Variants in FAT4 observed in about 807,000 individuals in gnomAD.
The protein encoded by FAT4 is FAT atypical cadherin 4.
FAT4 carries 84 observed loss-of-function variants against 303.9 expected under a neutral mutation model. The observed-to-expected ratio is 0.28, with a 90% CI of 0.23 to 0.33. FAT4 has a LOEUF of 0.33. Ranked by LOEUF, FAT4 falls within the 10% of genes least tolerant of loss-of-function variation. The pLI is 1.00. For synonymous variants in FAT4, 2,307 were observed against 2,298.8 expected, an observed-to-expected ratio of 1.00 and a Z score of -0.10; for missense variants, 6,005 against 6,146.8, an observed-to-expected ratio of 0.98 and a Z score of 0.77.
intron 12 of FAT4, among the ~76,000 whole-genome samples, chr4:125,469,358 A>G (rs1726782396): frequency 6.6e-6 from 1 of 152,178 alleles, no homozygotes; most frequent in East Asian, 1.9e-4. Context: ...GAAATGTCTT[A>G]AAATAAAACA....
intron 10 of FAT4, among the ~76,000 whole-genome samples, chr4:125,455,900 A>C (rs1726261912): frequency 6.6e-6 from 1 of 152,198 alleles, no homozygotes; most frequent in Admixed American, 6.5e-5. Context: ...CAGCTTACAA[A>C]ATCTTCAAAC....
At position 125,318,217 on chromosome 4, in the gene FAT4, G is replaced by A. The variant is rs1227224047; in HGVS notation, c.1806G>A (p.Leu602=). 6.2e-7 allele frequency: 1 copy of A among 1,614,240 alleles called. No homozygotes were observed. The highest frequency in any genetic ancestry group is 8.5e-7 in the Non-Finnish European group (1 of 1,180,036). ...VVENAPTGTE[L]LMLRATDGDL... ...AGAATGCCCCAACAGGGACAGAACT[G>A]TTGATGCTCAGGGCAACTGACGGGG... The change falls in exon 2 of 18, where the codon CTG becomes CTA. Residue 602 remains leucine, a synonymous_variant. Coordinates refer to ENST00000394329, the MANE Select transcript of FAT4 (RefSeq NM_001291303.3).
intron 2 of FAT4, among the ~76,000 whole-genome samples, chr4:125,379,686 G>A (rs955296680): frequency 3.3e-5 from 5 of 151,768 alleles, no homozygotes; most frequent in Admixed American, 6.6e-5. Context: ...TATTGAACTC[G>A]TGACCTCAGG....
intron 5 of FAT4, among the ~76,000 whole-genome samples, chr4:125,413,358 A>T (rs1211427131): frequency 6.6e-6 from 1 of 151,888 alleles, no homozygotes; most frequent in Non-Finnish European, 1.5e-5. Context: ...ACTCCTAAGT[A>T]TTCTGAACTT....
chr4:125,395,562 C>T (rs1734138583), intron 2 of FAT4, among the ~76,000 whole-genome samples: 1 of 152,020 alleles, frequency 6.6e-6, no homozygotes, highest in Non-Finnish European at 1.5e-5. Flanking sequence ...CAGGTGATTC[C>T]CCTGCCTAGG....
At chr4:125,357,950 T>A (rs1332534423) in intron 2 of FAT4, among the ~76,000 whole-genome samples, 1 of 152,158 alleles carries the variant, frequency 6.6e-6, no homozygotes, top group Non-Finnish European at 1.5e-5. Flanking sequence ...GCTGTAAGAT[T>A]GTTTCCTTTT....
At chr4:125,361,107 A>C (rs1365076361) in intron 2 of FAT4, among the ~76,000 whole-genome samples, 1 of 151,846 alleles carries the variant, frequency 6.6e-6, no homozygotes, top group Non-Finnish European at 1.5e-5. Context: ...GCTAAATATT[A>C]CATTTTTCCC....
intron 2 of FAT4, among the ~76,000 whole-genome samples, chr4:125,346,177 C>T (rs977985254): frequency 1.3e-5 from 2 of 151,972 alleles, no homozygotes; most frequent in South Asian, 2.1e-4. Flanking sequence ...TGTATTGAAG[C>T]TTGTACACAA....
At chr4:125,472,725 T>C (rs1251888601) in intron 12 of FAT4, among the ~76,000 whole-genome samples, 2 of 152,148 alleles carry the variant, frequency 1.3e-5, no homozygotes, top group Admixed American at 6.5e-5. Context: ...AGTTTTAAAA[T>C]ACAGAACTAT....
chr4:125,480,170 G>GC (rs1727176625), intron 15 of FAT4, among the ~76,000 whole-genome samples: 1 of 151,766 alleles, frequency 6.6e-6, no homozygotes. Flanking sequence ...AAGATCAAAG[G>GC]TTATAGTTAG....
At chr4:125,446,238 G>T in intron 8 of FAT4, 55 bp from the exon 9 acceptor site, 3 of 1,430,356 alleles carry the variant, frequency 2.1e-6, no homozygotes, top group South Asian at 1.4e-5. Flanking sequence ...ATAGTAAATA[G>T]AAGTTACGAT....
intron 7 of FAT4, among the ~76,000 whole-genome samples, chr4:125,422,717 A>G (rs1042942624): frequency 2.0e-5 from 3 of 152,156 alleles, no homozygotes; most frequent in Non-Finnish European, 1.5e-5. Context: ...TACTGATATC[A>G]GAGAGAGTAG....
At chr4:125,392,024 A>G (rs1341047908) in intron 2 of FAT4, among the ~76,000 whole-genome samples, 3 of 152,196 alleles carry the variant, frequency 2.0e-5, no homozygotes, top group African/African-American at 7.2e-5. Context: ...ATCTCAGAAT[A>G]TAGAAGTCTC....
At chr4:125,348,506 G>A (rs568693926) in intron 2 of FAT4, among the ~76,000 whole-genome samples, 1 of 151,724 alleles carries the variant, frequency 6.6e-6, no homozygotes, top group Admixed American at 6.6e-5. Context: ...GCTATATTGA[G>A]GAAGTGAACC....
At chr4:125,463,388 A>G (rs1726547811) in intron 10 of FAT4, among the ~76,000 whole-genome samples, 175 bp from the exon 11 acceptor site, 1 of 152,054 alleles carries the variant, frequency 6.6e-6, no homozygotes, top group Non-Finnish European at 1.5e-5. Context: ...GGACAACTAA[A>G]CAAGATTTTA....
At position 125,449,424 on chromosome 4, in the gene FAT4, T is replaced by A; in HGVS notation, c.8414T>A (p.Ile2805Asn). The A allele has an allele frequency of 1.2e-6, 2 of 1,613,838 alleles. No individual in the cohort carries two copies. The highest frequency in any genetic ancestry group is 1.7e-6 in the Non-Finnish European group (2 of 1,179,838). ...RVTTSDEDIGINAISRYSIMD... is the reference protein window; with the variant it reads ...RVTTSDEDIGNNAISRYSIMD... ...ACAACTTCTGATGAAGACATTGGGA[T>A]CAATGCAATTAGTAGATATTCTATA... The change falls in exon 10 of 18, where the codon ATC (isoleucine) becomes AAC (asparagine). Residue 2805 changes from isoleucine to asparagine, a missense_variant. Coordinates refer to ENST00000394329, the MANE Select transcript of FAT4 (RefSeq NM_001291303.3).
intron 2 of FAT4, among the ~76,000 whole-genome samples, chr4:125,326,465 A>G (rs1731159827): frequency 6.6e-6 from 1 of 152,116 alleles, no homozygotes; most frequent in African/African-American, 2.4e-5. Context: ...GTGCATTTTT[A>G]GGGATTTTAT....
At chr4:125,332,929 T>C (rs551669195) in intron 2 of FAT4, among the ~76,000 whole-genome samples, 2 of 152,090 alleles carry the variant, frequency 1.3e-5, no homozygotes, top group South Asian at 2.1e-4. Flanking sequence ...GGCTTTCTTC[T>C]GCTCGGGGTA....
chr4:125,337,912 C>A (rs1731636274), intron 2 of FAT4, among the ~76,000 whole-genome samples: 1 of 152,064 alleles, frequency 6.6e-6, no homozygotes. Context: ...GTATCAGTTG[C>A]CTCTTTTGTG....
Sources: gnomAD v4.1 joint callset for allele counts (sites outside exome capture counted in the v4.1 genomes callset) on GRCh38, gnomAD v4.1.1 for gene constraint, MANE v1.5 for transcripts, NCBI Gene and HGNC (gene_info 2026-07-23, HGNC 2026-07-21) for gene names.